The following MED24 variants were observed in gnomAD, a reference collection of about 807,000 sequenced individuals.
MED24 encodes mediator complex subunit 24.
A neutral mutation model predicts 118.8 loss-of-function variants in MED24; 74 were observed. That is an observed-to-expected ratio of 0.62 (90% confidence interval 0.52 to 0.76). The LOEUF is 0.76. Among genes scored for constraint, MED24 ranks in the 30% least tolerant of loss-of-function variants. MED24 has a pLI of 0.00. For missense variants in MED24, 1,041 were observed against 1,278.9 expected (o/e 0.81, Z 2.84); for synonymous variants, 521 against 523.9 (o/e 0.99, Z 0.08).
At position 40,020,099 on chromosome 17, in the gene MED24, G is replaced by A. The variant is rs1480546378; in HGVS notation, c.2705-166C>T. ...TATAAAAGGCAATTGGGGAGGGGAGGAGGGGGAACTAGACAGGAGCCTGGG... is the reference window on the plus strand; with the variant it reads ...TATAAAAGGCAATTGGGGAGGGGAGAAGGGGGAACTAGACAGGAGCCTGGG... On this transcript the variant is annotated intron_variant, in intron 24 of 25. Transcript: ENST00000394128. The A allele has an allele frequency of 1.3e-5, 10 of 773,106 alleles. No homozygotes were observed. The East Asian group carries it at 1.8e-4, about 14-fold the overall frequency. The allele number at this position is 773,106 out of a possible 1,614,324, so 47.9% of individuals were successfully genotyped here. A position where few individuals can be genotyped will look rare whatever the true frequency, so the allele number is the denominator to read the frequency against.
chr17:40,027,566 C>T, intron 15 of MED24, 101 bp from the exon 16 acceptor site: 1 of 1,096,740 alleles, frequency 9.1e-7, no homozygotes, highest in Non-Finnish European at 1.3e-6. Flanking sequence ...GGTCAGGGAC[C>T]AAGTGGCTCC....
intron 13 of MED24, 84 bp downstream of exon 13, chr17:40,029,664 G>T (rs1983138745): frequency 1.6e-6 from 2 of 1,266,016 alleles, no homozygotes; most frequent in Non-Finnish European, 2.3e-6. Context: ...GAGGTCTGTG[G>T]CCTCTGTTTA....
Position 40,033,012 on chromosome 17 carries a change from G to C in MED24, c.822+44C>G, listed in dbSNP as rs764868369. The C allele has an allele frequency of 1.2e-6, 2 of 1,609,112 alleles. No individual in the cohort carries two copies. Among genetic ancestry groups the C allele is most frequent in the Non-Finnish European group, 1.7e-6 (2 of 1,177,970 alleles). On this transcript the variant is annotated intron_variant, in intron 8 of 25. Coordinates refer to ENST00000394128, the MANE Select transcript of MED24 (RefSeq NM_014815.4). This position sits in a 1 kb window ranked among gnomAD's most constrained non-coding sequence, Gnocchi z 5.2. ...GAATCCTCCCTCCTGCCCCCAACAG[G>C]CTGGCCTGCCTTGGAGAAGGGAGAG...
At position 40,027,697 on chromosome 17, in the gene MED24, A is replaced by T. The variant is rs1429428929; in HGVS notation, c.1447+212T>A. The T allele has an allele frequency of 1.8e-5, 12 of 669,470 alleles. No homozygotes were observed. The East Asian group carries it at 3.2e-4, about 18-fold the overall frequency. 41.5% of individuals were successfully genotyped at this position (669,470 alleles called of 1,614,324 possible). A position where few individuals can be genotyped will look rare whatever the true frequency, so the allele number is the denominator to read the frequency against. On this transcript the variant is annotated intron_variant, in intron 15 of 25. Transcript: ENST00000394128. ...TACCTAACCAAGTCGTAAAGGGATG[A>T]GGGGGGGAAGGAGACACAGGGATGG...
intron 10 of MED24, 39 bp from the exon 11 acceptor site, chr17:40,031,659 C>T (rs749227934): frequency 1.3e-6 from 2 of 1,583,220 alleles, no homozygotes; most frequent in African/African-American, 2.7e-5. Flanking sequence ...TTTCCAGGGC[C>T]ACCAGGCCCT....
At chr17:40,040,601 G>GT (rs925864207) in intron 3 of MED24, among the ~76,000 whole-genome samples, 59 of 143,302 alleles carry the variant, frequency 4.1e-4, no homozygotes, top group Middle Eastern at 3.5e-3. Context: ...ACATATAAAA[G>GT]TTTTTTTTTT....
chr17:40,037,645 C>T (rs550173892), intron 3 of MED24, among the ~76,000 whole-genome samples: 18 of 152,316 alleles, frequency 1.2e-4, no homozygotes, highest in African/African-American at 4.3e-4. Flanking sequence ...GGTGTGGTGG[C>T]TCACGCCTGT....
Position 40,019,175 on chromosome 17 carries a change from A to AACACAC in MED24, c.*348_*353dup, listed in dbSNP as rs59767650. The AACACAC allele has an allele frequency of 0.31, 45,517 of 147,954 alleles. 6,351 individuals are homozygous for AACACAC. The highest frequency in any genetic ancestry group is 0.42 in the Admixed American group (5,566 of 13,230). The allele number at this position is 147,954 out of a possible 1,614,324, so 9.2% of individuals were successfully genotyped here. A position where few individuals can be genotyped will look rare whatever the true frequency, so the allele number is the denominator to read the frequency against. ...CCTCACATATTACAAAATACACACA[A>AACACAC]ACACACACACACACACACACACACA... On this transcript the variant is annotated 3_prime_UTR_variant, in exon 26 of 26. Coordinates refer to ENST00000394128, the MANE Select transcript of MED24 (RefSeq NM_014815.4).
At chr17:40,026,575 G>A (rs1044995681) in intron 18 of MED24, 72 bp downstream of exon 18, 11 of 1,417,228 alleles carry the variant, frequency 7.8e-6, no homozygotes, top group East Asian at 2.5e-5. Flanking sequence ...TTGCCCTTAC[G>A]AAATATAACA....
At chr17:40,035,699 A>G (rs1983857922) in intron 5 of MED24, 23 bp downstream of exon 5, 1 of 1,608,762 alleles carries the variant, frequency 6.2e-7, no homozygotes, top group Non-Finnish European at 8.5e-7. Flanking sequence ...TTGTATTGTG[A>G]GCCCCCTTAC....
At chr17:40,048,330 A>G (rs1985468635) in intron 3 of MED24, among the ~76,000 whole-genome samples, 1 of 152,174 alleles carries the variant, frequency 6.6e-6, no homozygotes, top group Admixed American at 6.6e-5. Flanking sequence ...TACTACTAAG[A>G]TACTGTTTAC....
In MED24 at chr17:40,032,136, CTCTT is replaced by C; in HGVS notation, c.937-50_937-47del. ...AAAAACAGGAAGATCCATTTCTTTTCTCTTTCATCTACCCCTGAAGGCATCCCCC... is the reference window on the plus strand; with the variant it reads ...AAAAACAGGAAGATCCATTTCTTTTCTCATCTACCCCTGAAGGCATCCCCC... On this transcript the variant is annotated intron_variant, in intron 9 of 25. Coordinates refer to ENST00000394128, the MANE Select transcript of MED24 (RefSeq NM_014815.4). The C allele has an allele frequency of 4.4e-6, 7 of 1,596,592 alleles. No individual in the cohort carries two copies. The South Asian group carries it at 5.5e-5, about 13-fold the overall frequency.
chr17:40,031,477 G>T, intron 11 of MED24, 61 bp downstream of exon 11: 1 of 1,499,640 alleles, frequency 6.7e-7, no homozygotes, highest in East Asian at 2.3e-5. Flanking sequence ...CTGGCACAGA[G>T]ATCAGGGGAA....
chr17:40,023,084 C>T (rs1389228017), intron 20 of MED24, 47 bp downstream of exon 20: 1 of 1,576,378 alleles, frequency 6.3e-7, no homozygotes, highest in African/African-American at 1.3e-5. Flanking sequence ...TGTGGGGAGC[C>T]AGGGGACAGG....
At chr17:40,022,965 CCA>C in intron 20 of MED24, 139 bp from the exon 21 acceptor site, 1 of 1,343,264 alleles carries the variant, frequency 7.4e-7, no homozygotes, top group Non-Finnish European at 1.0e-6. Context: ...AGGCTGAATC[CCA>C]GTCTCTGGCC....
Position 40,020,319 on chromosome 17 carries a change from A to T in MED24, c.2658T>A (p.Ser886=). ...CCCGCATGTTGACCGTGTGGAGCTG[A>T]GAGGCTGAGAGGGAGCTGCTCATGG... ...DRSMSSSLSA[S]QLHTVNMRDP... is the part of the protein sequence containing the mutation. Residue 886 remains serine, a synonymous_variant, in exon 24 of 26, where the codon TCT becomes TCA. Transcript: ENST00000394128. 1 of 1,595,162 alleles carries T rather than the reference A, an allele frequency of 6.3e-7. No homozygotes were observed. Among genetic ancestry groups the T allele is most frequent in the South Asian group, 1.1e-5 (1 of 87,292 alleles).
chr17:40,022,695 G>A lies in MED24; in HGVS notation c.2382C>T (p.Asp794=). 6.2e-7 allele frequency: 1 copy of A among 1,613,930 alleles called. No individual in the cohort carries two copies. Among genetic ancestry groups the A allele is most frequent in the Non-Finnish European group, 8.5e-7 (1 of 1,179,990 alleles). The change falls in exon 21 of 26, where the codon GAC becomes GAT. Residue 794 remains aspartate, a synonymous_variant. Coordinates refer to ENST00000394128, the MANE Select transcript of MED24 (RefSeq NM_014815.4). ...LGHILPGLLT[D]SSKWHSLMDP... is the part of the protein sequence containing the mutation. Reference sequence around the variant, plus strand: ...CCATGAGGCTGTGCCACTTGGAGGAGTCAGTGAGCAGGCCAGGTAGGATGT... The same window carrying A: ...CCATGAGGCTGTGCCACTTGGAGGAATCAGTGAGCAGGCCAGGTAGGATGT...
chr17:40,045,927 G>A (rs1353671636), intron 3 of MED24, among the ~76,000 whole-genome samples: 2 of 151,772 alleles, frequency 1.3e-5, no homozygotes, highest in South Asian at 2.1e-4. Context: ...ACACGTGCAT[G>A]CCACCACACC....
At chr17:40,046,835 C>A (rs770301377) in intron 3 of MED24, among the ~76,000 whole-genome samples, 1 of 152,050 alleles carries the variant, frequency 6.6e-6, no homozygotes, top group Non-Finnish European at 1.5e-5. Flanking sequence ...GCAGGAGGAT[C>A]GCTTGAGCCC....
Sources: gnomAD v4.1 joint callset for allele counts (sites outside exome capture counted in the v4.1 genomes callset) on GRCh38, gnomAD v4.1.1 for gene constraint, Gnocchi (gnomAD v3.1) non-coding constraint, MANE v1.5 for transcripts, NCBI Gene and HGNC (gene_info 2026-07-23, HGNC 2026-07-21) for gene names.